UGT1A5: variants seen among roughly 807,000 people sequenced by gnomAD.
UGT1A5 encodes UDP glucuronosyltransferase family 1 member A5.
A neutral mutation model predicts 40.3 loss-of-function variants in UGT1A5; 29 were observed. That is an observed-to-expected ratio of 0.72 (90% confidence interval 0.54 to 0.98). The LOEUF (loss-of-function observed/expected upper bound fraction) is 0.98, where lower values mean the gene tolerates loss of function less well. Among genes scored for constraint, UGT1A5 ranks in the 50% least tolerant of loss-of-function variants. The pLI is 0.00. For missense variants in UGT1A5, 678 were observed against 677.9 expected (o/e 1.00, Z 0.00); for synonymous variants, 257 against 262.5 (o/e 0.98, Z 0.20).
At chr2:233,770,089 T>C (rs2126050834) in intron 4 of UGT1A5, 1 of 153,022 alleles carries the variant, frequency 6.5e-6, no homozygotes, top group South Asian at 2.1e-4. Context: ...TTCAGTGGTA[T>C]AGATAACTAC....
intron 1 of UGT1A5, among the ~76,000 whole-genome samples, chr2:233,763,590 A>G (rs772976697): frequency 6.6e-6 from 1 of 152,156 alleles, no homozygotes; most frequent in Non-Finnish European, 1.5e-5. Flanking sequence ...TTCCTTTGTT[A>G]ACTAAAAATG....
intron 1 of UGT1A5, among the ~76,000 whole-genome samples, chr2:233,727,544 G>A (rs191237726): frequency 2.0e-5 from 3 of 152,260 alleles, no homozygotes; most frequent in South Asian, 2.1e-4. Flanking sequence ...TGTTCCACCC[G>A]TCACCTGGGC....
At chr2:233,762,211 C>A (rs1050554515) in intron 1 of UGT1A5, among the ~76,000 whole-genome samples, 4 of 152,108 alleles carry the variant, frequency 2.6e-5, no homozygotes, top group Non-Finnish European at 5.9e-5. Context: ...GTATTTGGCG[C>A]CCCATAAATC....
rs1309329692 is a variant in UGT1A5, at chr2:233,769,709, G to A, written c.1307+1270G>A. 5 of 1,509,378 alleles carry A rather than the reference G, an allele frequency of 3.3e-6. No homozygotes were observed. The highest frequency in any genetic ancestry group is 2.0e-5 in the Admixed American group (1 of 49,512). The allele number at this position is 1,509,378 out of a possible 1,614,324, so 93.5% of individuals were successfully genotyped here. A position where few individuals can be genotyped will look rare whatever the true frequency, so the allele number is the denominator to read the frequency against. ...GGCACTGGATAAAAGATCAATGTTG[G>A]CTAGGCACCATGGCACACGCCTGTA... On this transcript the variant is annotated intron_variant, in intron 4 of 4. Transcript: ENST00000373414. The surrounding 1 kb of genome is among the most constrained non-coding windows in gnomAD (Gnocchi z 4.4).
chr2:233,719,080 A>T (rs1329829423), intron 1 of UGT1A5: 1 of 1,614,142 alleles, frequency 6.2e-7, no homozygotes, highest in East Asian at 2.2e-5. Flanking sequence ...TGGACCCAGA[A>T]GGAATTTGAT....
At chr2:233,732,144 T>G (rs1266752790) in intron 1 of UGT1A5, among the ~76,000 whole-genome samples, 4 of 152,136 alleles carry the variant, frequency 2.6e-5, no homozygotes, top group Admixed American at 2.0e-4. Context: ...TTGTTTGTTT[T>G]TTTTCTTGTA....
Position 233,713,618 on chromosome 2 carries a change from A to G in UGT1A5, c.627A>G (p.Gln209=), listed in dbSNP as rs768642808. 1.2e-6 allele frequency: 2 copies of G among 1,613,968 alleles called. No individual in the cohort carries two copies. Among genetic ancestry groups the G allele is most frequent in the Admixed American group, 1.7e-5 (1 of 60,024 alleles). Residue 209 remains glutamine (Q), a synonymous_variant, in exon 1 of 5, where the codon CAA becomes CAG. Coordinates refer to ENST00000373414, the MANE Select transcript of UGT1A5 (RefSeq NM_019078.2). ...TTNSDHMTFL[Q]RVKNMLYPLA... ...ATTCAGACCACATGACATTCCTGCA[A>G]AGGGTCAAGAACATGCTCTACCCTC... is the stretch of plus-strand genomic sequence containing the variant.
chr2:233,748,442 C>T (rs1311049302), intron 1 of UGT1A5, among the ~76,000 whole-genome samples: 3 of 151,720 alleles, frequency 2.0e-5, no homozygotes, highest in Non-Finnish European at 2.9e-5. Flanking sequence ...TTTGTTTGCA[C>T]AATTTTCAGG....
rs185880509 is a variant in UGT1A5 at position 233,715,758 on chromosome 2, C to T, written c.867+1900C>T. 7.9e-5 allele frequency among the ~76,000 whole-genome samples: 12 copies of T among 152,156 alleles called. No individual in the cohort carries two copies. In the East Asian group the frequency reaches 1.9e-3, roughly 24 times the overall value. ...CCTCACTCCAGCCTGAGTGACAGAG[C>T]GAGGACCCATCTCAAAAAAATAAAA... On this transcript the variant is annotated intron_variant, in intron 1 of 4. Coordinates refer to ENST00000373414, the MANE Select transcript of UGT1A5 (RefSeq NM_019078.2).
intron 1 of UGT1A5, among the ~76,000 whole-genome samples, chr2:233,725,285 GGCAGAGGCAGAGGCA>G: frequency 1.1e-5 from 1 of 89,706 alleles, no homozygotes; most frequent in East Asian, 3.3e-4. Flanking sequence ...CAGAGGCAGA[GGCAGAGGCAGAGGCA>G]GAGGCAGAGG....
At chr2:233,730,798 G>T (rs772379862) in intron 1 of UGT1A5, among the ~76,000 whole-genome samples, 4 of 152,122 alleles carry the variant, frequency 2.6e-5, no homozygotes, top group Non-Finnish European at 5.9e-5. Flanking sequence ...AGTGATGAAT[G>T]GACATGCGTC....
chr2:233,730,496 A>G (rs888211040), intron 1 of UGT1A5, among the ~76,000 whole-genome samples: 3 of 152,218 alleles, frequency 2.0e-5, no homozygotes, highest in Admixed American at 6.5e-5. Context: ...TAGAAGTGTC[A>G]GAGAGGTTGA....
intron 1 of UGT1A5, chr2:233,747,383 G>C: frequency 6.2e-7 from 1 of 1,605,558 alleles, no homozygotes; most frequent in Non-Finnish European, 8.5e-7. Context: ...GAGGCCACCA[G>C]GCGGTGGTCC....
chr2:233,721,906 A>G (rs994798913), intron 1 of UGT1A5: 14 of 450,550 alleles, frequency 3.1e-5, no homozygotes, highest in African/African-American at 2.6e-4. Context: ...GAAATGGTGC[A>G]CACTGCTTCC....
At chr2:233,755,161 C>CG in intron 1 of UGT1A5, 1 of 1,292,236 alleles carries the variant, frequency 7.7e-7, no homozygotes, top group Non-Finnish European at 1.0e-6. Context: ...TCCCTGTCCT[C>CG]GGGGTTTTTG....
intron 1 of UGT1A5, among the ~76,000 whole-genome samples, chr2:233,752,887 C>T (rs1345633016): frequency 1.1e-4 from 17 of 152,134 alleles, no homozygotes; most frequent in Admixed American, 1.1e-3. Flanking sequence ...TAAAACTAGC[C>T]AGCGTTGTTA....
At chr2:233,742,200 G>A (rs1293437959) in intron 1 of UGT1A5, among the ~76,000 whole-genome samples, 2 of 151,984 alleles carry the variant, frequency 1.3e-5, no homozygotes, top group East Asian at 3.9e-4. Context: ...GAAATCAGGG[G>A]ACTCACAGCC....
At chr2:233,720,767 C>A (rs550051357) in intron 1 of UGT1A5, among the ~76,000 whole-genome samples, 2 of 150,844 alleles carry the variant, frequency 1.3e-5, no homozygotes, top group East Asian at 3.9e-4. Flanking sequence ...GGGCAGTGGC[C>A]GGATCTCCGC....
intron 1 of UGT1A5, among the ~76,000 whole-genome samples, chr2:233,725,070 G>T (rs1181179601): frequency 6.9e-6 from 1 of 145,128 alleles, no homozygotes; most frequent in Non-Finnish European, 1.5e-5. Context: ...GCCTGCAATC[G>T]CAGGCACTCG....
Sources: allele counts gnomAD v4.1 joint callset (sites outside exome capture counted in the v4.1 genomes callset), GRCh38; gene constraint gnomAD v4.1.1; non-coding constraint Gnocchi (gnomAD v3.1); transcripts MANE v1.5; gene names NCBI Gene and HGNC (gene_info 2026-07-23, HGNC 2026-07-21).